Variants in DENND6A observed in about 807,000 individuals in gnomAD.
DENND6A encodes DENN domain containing 6A.
DENND6A carries 43 observed loss-of-function variants against 95.5 expected under a neutral mutation model. That is an observed-to-expected ratio of 0.45 (90% CI 0.35 to 0.58). The LOEUF (loss-of-function observed/expected upper bound fraction) is 0.58. DENND6A is among the 20% of genes least tolerant of loss of function. The probability of loss-of-function intolerance (pLI) is 0.00; values close to 1 mark genes in which losing one functional copy is unlikely to be tolerated. For synonymous variants in DENND6A, 257 were observed against 260.4 expected (o/e 0.99, Z 0.13); for missense variants, 574 against 736.0 (o/e 0.78, Z 2.55).
intron 15 of DENND6A, among the ~76,000 whole-genome samples, chr3:57,631,913 G>T (rs1475844502): frequency 6.6e-4 from 98 of 147,616 alleles, no homozygotes; most frequent in Admixed American, 8.1e-4. Context: ...TAGTAGAGAC[G>T]GGGTTTCACC....
At chr3:57,641,834 A>G (rs1299270954) in intron 11 of DENND6A, 87 bp from the exon 12 acceptor site, 4 of 1,085,290 alleles carry the variant, frequency 3.7e-6, no homozygotes, top group South Asian at 1.4e-5. Context: ...TTTTTTTTCA[A>G]TGAACAATAC....
At chr3:57,650,714 CAA>C in intron 9 of DENND6A, among the ~76,000 whole-genome samples, 1 of 151,650 alleles carries the variant, frequency 6.6e-6, no homozygotes, top group African/African-American at 2.4e-5. Context: ...TCATAATAAC[CAA>C]AAGTGTAAAC....
intron 1 of DENND6A, among the ~76,000 whole-genome samples, chr3:57,674,169 G>A (rs1176430972): frequency 6.6e-6 from 1 of 151,926 alleles, no homozygotes; most frequent in Non-Finnish European, 1.5e-5. Context: ...GATCACGAGG[G>A]CAGGAGATCG....
In DENND6A at chr3:57,660,853, TA is replaced by T; in HGVS notation, c.620-15del. The T allele has an allele frequency of 6.4e-7, 1 of 1,564,604 alleles. No individual in the cohort carries two copies. The highest frequency in any genetic ancestry group is 1.2e-5 in the South Asian group (1 of 82,182). On this transcript the variant is annotated splice_polypyrimidine_tract_variant and intron_variant, in intron 6 of 19. Transcript: ENST00000311128. ...CATCATTACAAGCTGAAAAATATAA[TA>T]AAATATTTTCTTAGAATAAGTGAAA...
Position 57,672,434 on chromosome 3 carries a change from A to G in DENND6A, c.242T>C (p.Ile81Thr), listed in dbSNP as rs1362468029. Residue 81 changes from isoleucine (I) to threonine (T), a missense_variant, in exon 2 of 20, where the codon ATT (isoleucine) becomes ACT (threonine). This residue lies in a region of DENND6A where 452 missense variants were observed against 630.9 expected (regional missense o/e 0.72). Transcript: ENST00000311128. The stretch of plus-strand genomic sequence containing the variant: ...AGTAAGTTTGGAATGCTGAGGATAA[A>G]TTACCTGGAAGAAAAGAGTTAAATT... ...DLELGQAVEV[I>T]YPQHSKLTDR... is the part of the protein sequence containing the mutation. The G allele has an allele frequency of 1.2e-6, 2 of 1,611,962 alleles. No individual in the cohort carries two copies. The highest frequency in any genetic ancestry group is 2.7e-5 in the African/African-American group (2 of 74,890).
chr3:57,653,472 G>A (rs2071252432), intron 9 of DENND6A, among the ~76,000 whole-genome samples: 1 of 152,130 alleles, frequency 6.6e-6, no homozygotes, highest in Non-Finnish European at 1.5e-5. Context: ...TAGGCCGGGC[G>A]CGGTGGCTCA....
Position 57,672,432 on chromosome 3 carries a change from A to C in DENND6A, c.244T>G (p.Tyr82Asp), listed in dbSNP as rs1271420704. The change falls in exon 2 of 20, where the codon TAT (tyrosine) becomes GAT (aspartate). Residue 82 changes from tyrosine to aspartate, a missense_variant. Coordinates refer to ENST00000311128, the MANE Select transcript of DENND6A (RefSeq NM_152678.3). The stretch of plus-strand genomic sequence containing the variant: ...TCAGTAAGTTTGGAATGCTGAGGAT[A>C]AATTACCTGGAAGAAAAGAGTTAAA... The part of the protein sequence containing the change: ...LELGQAVEVI[Y>D]PQHSKLTDRE... 6.2e-7 allele frequency: 1 copy of C among 1,612,266 alleles called. No individual in the cohort carries two copies. The highest frequency in any genetic ancestry group is 1.7e-5 in the Admixed American group (1 of 60,012).
chr3:57,633,471 G>C, intron 14 of DENND6A, 117 bp from the exon 15 acceptor site: 2 of 819,988 alleles, frequency 2.4e-6, no homozygotes, highest in Non-Finnish European at 3.8e-6. Flanking sequence ...TAAAAAACTA[G>C]AACTTCACCT....
chr3:57,675,217 T>C (rs996813327), intron 1 of DENND6A, among the ~76,000 whole-genome samples: 10 of 152,218 alleles, frequency 6.6e-5, no homozygotes, highest in South Asian at 6.2e-4. Flanking sequence ...GCTGGGAGCA[T>C]TGAGTAATAT....
At chr3:57,633,626 C>T (rs142662570) in intron 14 of DENND6A, among the ~76,000 whole-genome samples, 1 of 152,260 alleles carries the variant, frequency 6.6e-6, no homozygotes, top group East Asian at 1.9e-4. Flanking sequence ...CCGTGGCTCA[C>T]GTCTGTAATC....
chr3:57,642,246 G>A (rs781488947), intron 11 of DENND6A, among the ~76,000 whole-genome samples: 4 of 150,828 alleles, frequency 2.7e-5, no homozygotes, highest in African/African-American at 4.9e-5. Flanking sequence ...ACCAGGAGGC[G>A]GAGGTTGCAG....
chr3:57,691,349 T>G (rs1466756131), intron 1 of DENND6A, among the ~76,000 whole-genome samples: 2 of 152,218 alleles, frequency 1.3e-5, no homozygotes, highest in Non-Finnish European at 2.9e-5. Flanking sequence ...CTATCAAAAG[T>G]ATTTATAGAA....
At chr3:57,631,912 C>A (rs1243642405) in intron 15 of DENND6A, among the ~76,000 whole-genome samples, 1 of 149,560 alleles carries the variant, frequency 6.7e-6, no homozygotes, top group Non-Finnish European at 1.5e-5. Flanking sequence ...TTAGTAGAGA[C>A]GGGGTTTCAC....
chr3:57,634,372 G>A (rs1193041711), intron 14 of DENND6A, among the ~76,000 whole-genome samples, 186 bp downstream of exon 14: 1 of 149,384 alleles, frequency 6.7e-6, no homozygotes, highest in South Asian at 2.1e-4. Context: ...GGTGGAGGTT[G>A]CAGTGAGCTG....
intron 9 of DENND6A, among the ~76,000 whole-genome samples, chr3:57,650,421 TAC>T (rs67472290): frequency 0.16 from 24,659 of 149,844 alleles, 2,424 homozygotes; most frequent in East Asian, 0.45. Flanking sequence ...TGCATTTACA[TAC>T]ACACACACAC....
At chr3:57,677,759 T>C (rs924416091) in intron 1 of DENND6A, among the ~76,000 whole-genome samples, 9 of 152,116 alleles carry the variant, frequency 5.9e-5, no homozygotes, top group African/African-American at 1.9e-4. Flanking sequence ...GAAAGAATCA[T>C]GGTTGCTTTT....
intron 9 of DENND6A, among the ~76,000 whole-genome samples, chr3:57,656,211 C>T (rs551100249): frequency 6.6e-6 from 1 of 152,324 alleles, no homozygotes; most frequent in South Asian, 2.1e-4. Context: ...CAGGTAACCA[C>T]TGATCTGATT....
chr3:57,629,489 A>T (rs963006572), intron 18 of DENND6A, among the ~76,000 whole-genome samples: 3 of 147,322 alleles, frequency 2.0e-5, no homozygotes, highest in African/African-American at 7.6e-5. Context: ...TACAGAACAT[A>T]AAAAAAAAAT....
intron 8 of DENND6A, among the ~76,000 whole-genome samples, chr3:57,658,139 G>A (rs936805941): frequency 1.3e-5 from 2 of 151,884 alleles, no homozygotes; most frequent in African/African-American, 4.8e-5. Flanking sequence ...GGGAGGCTGA[G>A]GCAGGAGAAT....
Sources: allele counts gnomAD v4.1 joint callset (sites outside exome capture counted in the v4.1 genomes callset), GRCh38; gene constraint gnomAD v4.1.1; regional missense constraint gnomAD v4.1.1; transcripts MANE v1.5; gene names NCBI Gene and HGNC (gene_info 2026-07-23, HGNC 2026-07-21).